Variants in AGAP1 observed in about 807,000 individuals in gnomAD.
AGAP1 encodes ArfGAP with GTPase domain, ankyrin repeat and PH domain 1.
Under a neutral mutation model 105.3 loss-of-function variants are expected in AGAP1, and 29 were observed. That is an observed-to-expected ratio of 0.28 (90% confidence interval 0.21 to 0.38). AGAP1 has a LOEUF of 0.38. AGAP1 is among the 10% of genes least tolerant of loss of function. The pLI is 1.00. For missense variants in AGAP1, 998 were observed against 1,165.1 expected (o/e 0.86, Z 2.09); for synonymous variants, 509 against 485.9 (o/e 1.05, Z -0.63).
chr2:236,018,532 G>A (rs2056784843), intron 13 of AGAP1, among the ~76,000 whole-genome samples: 1 of 152,218 alleles, frequency 6.6e-6, no homozygotes, highest in South Asian at 2.1e-4. Flanking sequence ...TGAGTTGGGT[G>A]AACACATGGG....
At chr2:236,099,186 C>T (rs1254345439) in intron 16 of AGAP1, among the ~76,000 whole-genome samples, 3 of 152,078 alleles carry the variant, frequency 2.0e-5, no homozygotes, top group Non-Finnish European at 4.4e-5. Flanking sequence ...GGTGCGGTGG[C>T]TCACGCCTGT....
At position 235,540,727 on chromosome 2, in the gene AGAP1, A is replaced by G. The variant is rs561210548; in HGVS notation, c.163+45878A>G. On this transcript the variant is annotated intron_variant, in intron 1 of 17. Transcript: ENST00000304032. ...AGAGACCCTTATGAAGGGAGAAAGC[A>G]GGTGAAGATGGTGGGGATAGGGGCG... Among the ~76,000 whole-genome samples, 22 of 152,308 alleles carry G rather than the reference A, an allele frequency of 1.4e-4. No individual in the cohort carries two copies. The South Asian group carries it at 4.4e-3, about 30-fold the overall frequency.
At chr2:235,775,059 A>G (rs1400147) in intron 6 of AGAP1, among the ~76,000 whole-genome samples, 36,271 of 152,068 alleles carry the variant, frequency 0.24, 4,920 homozygotes, top group Admixed American at 0.39. Flanking sequence ...GAGTAGTGAC[A>G]AAGCAAAAGG....
intron 9 of AGAP1, among the ~76,000 whole-genome samples, chr2:235,826,606 C>T (rs1231576453): frequency 6.6e-6 from 1 of 152,128 alleles, no homozygotes; most frequent in Non-Finnish European, 1.5e-5. Flanking sequence ...CCCGCCACCA[C>T]ACCCAGCTAA....
intron 12 of AGAP1, among the ~76,000 whole-genome samples, chr2:235,942,448 C>A (rs959189015): frequency 6.6e-6 from 1 of 152,108 alleles, no homozygotes; most frequent in African/African-American, 2.4e-5. Flanking sequence ...GAGGCCGAGA[C>A]GGGCGGATCA....
At chr2:235,939,568 G>T (rs542532897) in intron 12 of AGAP1, among the ~76,000 whole-genome samples, 4 of 106,656 alleles carry the variant, frequency 3.8e-5, no homozygotes, top group African/African-American at 9.7e-5. Context: ...ACACGTTCCA[G>T]GACACTCGTC....
chr2:235,963,034 C>T lies in AGAP1; in HGVS notation c.1484-5428C>T, dbSNP rs2054254543. Among the ~76,000 whole-genome samples, 1 of 152,108 alleles carries T rather than the reference C, an allele frequency of 6.6e-6. No homozygotes were observed. The highest frequency in any genetic ancestry group is 1.5e-5 in the Non-Finnish European group (1 of 68,032). On this transcript the variant is annotated intron_variant, in intron 12 of 17. Transcript: ENST00000304032. This position sits in a 1 kb window ranked among gnomAD's most constrained non-coding sequence, Gnocchi z 5.1. ...CGTGTGGAAGGACACAAAAGGAAAA[C>T]GTGGATGTGGAGGAAATGCTGATGG...
intron 13 of AGAP1, among the ~76,000 whole-genome samples, chr2:236,013,523 C>G (rs1263987913): frequency 6.6e-6 from 1 of 152,322 alleles, no homozygotes; most frequent in African/African-American, 2.4e-5. Flanking sequence ...GCTTTGGGAA[C>G]CAGAGGGCCA....
At chr2:235,613,955 C>T (rs984793018) in intron 1 of AGAP1, among the ~76,000 whole-genome samples, 1 of 151,894 alleles carries the variant, frequency 6.6e-6, no homozygotes, top group African/African-American at 2.4e-5. Flanking sequence ...CTGCAAGAAC[C>T]CTTTGTTAAT....
rs115584918 is a variant in AGAP1 at position 236,121,289 on chromosome 2, T to G, written c.2370+842T>G. Among the ~76,000 whole-genome samples the G allele has an allele frequency of 0.011, 1,689 of 152,282 alleles. 36 individuals carry two copies. The highest frequency in any genetic ancestry group is 0.038 in the African/African-American group (1,597 of 41,556). ...AGTGCAGCAGGTTTCTGCATGTTTT[T>G]GATCTGACTTTTTTGTTTTTTGTTT... On this transcript the variant is annotated intron_variant, in intron 17 of 17. Transcript: ENST00000304032. The surrounding 1 kb of genome is among the most constrained non-coding windows in gnomAD (Gnocchi z 4.9).
chr2:235,655,781 A>G lies in AGAP1; in HGVS notation c.164-53398A>G, dbSNP rs927795762. On this transcript the variant is annotated intron_variant, in intron 1 of 17. Coordinates refer to ENST00000304032, the MANE Select transcript of AGAP1 (RefSeq NM_001037131.3). This position sits in a 1 kb window ranked among gnomAD's most constrained non-coding sequence, Gnocchi z 4.3. ...TGTGTATTTTTAACACATTTCCAAA[A>G]GCATGATTTATTCAGGATTAAGTTT... 2.0e-5 allele frequency among the ~76,000 whole-genome samples: 3 copies of G among 152,196 alleles called. No homozygotes were observed. Among genetic ancestry groups the G allele is most frequent in the East Asian group, 1.9e-4 (1 of 5,196 alleles).
At chr2:235,781,021 T>TA (rs1439005452) in intron 6 of AGAP1, among the ~76,000 whole-genome samples, 1 of 152,146 alleles carries the variant, frequency 6.6e-6, no homozygotes, top group Non-Finnish European at 1.5e-5. Flanking sequence ...TAAGACATTT[T>TA]AAAAAAAGAA....
In AGAP1 at chr2:235,547,620, A is replaced by G. The variant is rs550021346; in HGVS notation, c.163+52771A>G. Among the ~76,000 whole-genome samples, 6 of 152,190 alleles carry G rather than the reference A, an allele frequency of 3.9e-5. No homozygotes were observed. The South Asian group carries it at 1.2e-3, about 32-fold the overall frequency. On this transcript the variant is annotated intron_variant, in intron 1 of 17. Coordinates refer to ENST00000304032, the MANE Select transcript of AGAP1 (RefSeq NM_001037131.3). ...GTGATCTGCCTGCCTCGGCCTCCCAAAATACTGGGATTACAGGCACATACC... is the reference window on the plus strand; with the variant it reads ...GTGATCTGCCTGCCTCGGCCTCCCAGAATACTGGGATTACAGGCACATACC...
intron 6 of AGAP1, among the ~76,000 whole-genome samples, chr2:235,786,217 A>G (rs561291678): frequency 2.6e-5 from 4 of 152,362 alleles, no homozygotes; most frequent in Non-Finnish European, 5.9e-5. Context: ...GCTGATTTGC[A>G]TCCAGCTTGA....
Position 235,535,628 on chromosome 2 carries a change from G to A in AGAP1, c.163+40779G>A, listed in dbSNP as rs569755484. Reference sequence around the variant, plus strand: ...GACCCTGGGGGCCGGGCGGGGCTGTGCCAGGCACCCGCGTCGCGCTCCAGC... The same window carrying A: ...GACCCTGGGGGCCGGGCGGGGCTGTACCAGGCACCCGCGTCGCGCTCCAGC... On this transcript the variant is annotated intron_variant, in intron 1 of 17. Coordinates refer to ENST00000304032, the MANE Select transcript of AGAP1 (RefSeq NM_001037131.3). The surrounding 1 kb of genome is among the most constrained non-coding windows in gnomAD (Gnocchi z 5.1). Among the ~76,000 whole-genome samples, 23 of 152,182 alleles carry A rather than the reference G, an allele frequency of 1.5e-4. No individual in the cohort carries two copies. The South Asian group carries it at 2.1e-3, about 14-fold the overall frequency.
At position 235,621,300 on chromosome 2, in the gene AGAP1, G is replaced by A. The variant is rs572853418; in HGVS notation, c.164-87879G>A. 5.3e-4 allele frequency among the ~76,000 whole-genome samples: 80 copies of A among 152,292 alleles called. 1 individual carries two copies. The highest frequency in any genetic ancestry group is 1.8e-3 in the African/African-American group (76 of 41,554). The stretch of plus-strand genomic sequence containing the variant: ...GCCTCCCAAAGTGCTAGGATTACAG[G>A]TGTGAGCCACCACGCCCAGCCGATC... On this transcript the variant is annotated intron_variant, in intron 1 of 17. Transcript: ENST00000304032. The surrounding 1 kb of genome is among the most constrained non-coding windows in gnomAD (Gnocchi z 4.1).
chr2:236,084,363 G>A (rs1032721133), intron 16 of AGAP1, among the ~76,000 whole-genome samples: 32 of 152,164 alleles, frequency 2.1e-4, no homozygotes, highest in Admixed American at 2.1e-3. Flanking sequence ...ATTCTGGAAC[G>A]AATGATAAGT....
intron 13 of AGAP1, among the ~76,000 whole-genome samples, chr2:235,972,733 A>G (rs1017147335): frequency 1.3e-5 from 2 of 152,260 alleles, no homozygotes; most frequent in African/African-American, 2.4e-5. Flanking sequence ...GACCAAGACA[A>G]AACCAACAGA....
At position 235,866,349 on chromosome 2, in the gene AGAP1, T is replaced by C. The variant is rs910143653; in HGVS notation, c.1051-16996T>C. ...TTCCCACCGAGGGAGACAATCCGTG[T>C]GTGTGATCGGGGTGTTCTGGACTTG... On this transcript the variant is annotated intron_variant, in intron 9 of 17. Transcript: ENST00000304032. The surrounding 1 kb of genome is among the most constrained non-coding windows in gnomAD (Gnocchi z 6.1). Among the ~76,000 whole-genome samples, 13 of 152,008 alleles carry C rather than the reference T, an allele frequency of 8.6e-5. No homozygotes were observed. Among genetic ancestry groups the C allele is most frequent in the African/African-American group, 3.1e-4 (13 of 41,370 alleles).
Sources: gnomAD v4.1 joint callset for allele counts (sites outside exome capture counted in the v4.1 genomes callset) on GRCh38, gnomAD v4.1.1 for gene constraint, Gnocchi (gnomAD v3.1) non-coding constraint, MANE v1.5 for transcripts, NCBI Gene and HGNC (gene_info 2026-07-23, HGNC 2026-07-21) for gene names.